The following C8orf34 variants were observed in gnomAD, a reference collection of about 807,000 sequenced individuals.
The protein encoded by C8orf34 is chromosome 8 open reading frame 34, also known as uncharacterized protein C8orf34.
In C8orf34, 65 loss-of-function variants were observed where a neutral mutation model predicts 68.3. The ratio of observed to expected loss-of-function variants is 0.95; its 90% CI spans 0.78 to 1.17. The LOEUF is 1.17. Ranked by LOEUF, C8orf34 falls within the 50% of genes most tolerant of loss-of-function variation. The pLI, the probability that C8orf34 is intolerant of heterozygous loss-of-function variation, is 0.00. For synonymous variants in C8orf34, 244 were observed against 241.2 expected (o/e 1.01, Z -0.11); for missense variants, 664 against 655.4 (o/e 1.01, Z -0.14).
intron 5 of C8orf34, among the ~76,000 whole-genome samples, chr8:68,506,918 G>A (rs1178932563): frequency 1.3e-5 from 2 of 151,006 alleles, no homozygotes; most frequent in African/African-American, 4.9e-5. Flanking sequence ...TTTGTCATTT[G>A]TCCATTGATA....
intron 1 of C8orf34, among the ~76,000 whole-genome samples, chr8:68,404,299 A>G (rs79887796): frequency 1.3e-5 from 2 of 152,120 alleles, no homozygotes; most frequent in Non-Finnish European, 2.9e-5. Context: ...GATAGATTGC[A>G]AAAAGTTTCT....
intron 1 of C8orf34, among the ~76,000 whole-genome samples, chr8:68,433,777 A>T (rs917453921): frequency 6.6e-6 from 1 of 152,242 alleles, no homozygotes; most frequent in African/African-American, 2.4e-5. Context: ...TGGATCTTTT[A>T]CTAATAATTT....
chr8:68,352,227 G>A (rs1414005279), intron 1 of C8orf34, among the ~76,000 whole-genome samples: 1 of 151,958 alleles, frequency 6.6e-6, no homozygotes, highest in African/African-American at 2.4e-5. Context: ...TGAATTAACA[G>A]AGCTTGAAGA....
chr8:68,524,704 C>A (rs1450178862), intron 6 of C8orf34, among the ~76,000 whole-genome samples: 5 of 152,110 alleles, frequency 3.3e-5, no homozygotes, highest in Non-Finnish European at 5.9e-5. Flanking sequence ...ACATTCATTG[C>A]ACATTTAGAG....
At position 68,787,482 on chromosome 8, in the gene C8orf34, T is replaced by C. The variant is rs1033636775; in HGVS notation, c.1495T>C (p.Trp499Arg). The C allele has an allele frequency of 1.2e-6, 2 of 1,612,808 alleles. No homozygotes were observed. Among genetic ancestry groups the C allele is most frequent in the African/African-American group, 1.3e-5 (1 of 74,894 alleles). ...LKQLQVVHQPWILPSDTESEG... is the reference protein window; with the variant it reads ...LKQLQVVHQPRILPSDTESEG... ...GCAATTGCAGGTAGTTCATCAACCATGGATCTTGCCAAGTGACACAGAAAG... is the reference window on the plus strand; with the variant it reads ...GCAATTGCAGGTAGTTCATCAACCACGGATCTTGCCAAGTGACACAGAAAG... Residue 499 changes from tryptophan to arginine, a missense_variant, in exon 12 of 14, where the codon TGG becomes CGG. Coordinates refer to ENST00000518698, the MANE Select transcript of C8orf34 (RefSeq NM_052958.4).
At chr8:68,786,124 A>G (rs1246693584) in intron 11 of C8orf34, among the ~76,000 whole-genome samples, 2 of 152,194 alleles carry the variant, frequency 1.3e-5, no homozygotes, top group East Asian at 1.9e-4. Flanking sequence ...GGTAGAGATG[A>G]TGAGTGAATT....
At chr8:68,412,912 G>A (rs1483625754) in intron 1 of C8orf34, among the ~76,000 whole-genome samples, 16 of 152,070 alleles carry the variant, frequency 1.1e-4, no homozygotes, top group Non-Finnish European at 2.4e-4. Context: ...CTCACTCTGT[G>A]TCCTATCAAG....
At chr8:68,690,144 C>G (rs1312882342) in intron 8 of C8orf34, among the ~76,000 whole-genome samples, 2 of 151,962 alleles carry the variant, frequency 1.3e-5, no homozygotes, top group African/African-American at 4.8e-5. Context: ...TCAAATGAAG[C>G]AAACAGATAC....
At chr8:68,637,972 A>T (rs1265991630) in intron 7 of C8orf34, among the ~76,000 whole-genome samples, 1 of 152,198 alleles carries the variant, frequency 6.6e-6, no homozygotes, top group Non-Finnish European at 1.5e-5. Flanking sequence ...CCGAAATTTT[A>T]ATAAGAATAA....
intron 1 of C8orf34, among the ~76,000 whole-genome samples, chr8:68,430,726 T>C (rs1810419210): frequency 6.6e-6 from 1 of 152,150 alleles, no homozygotes; most frequent in Admixed American, 6.6e-5. Context: ...TATTTCCAGC[T>C]TAGCAGCTCT....
chr8:68,374,213 C>T (rs929025963), intron 1 of C8orf34, among the ~76,000 whole-genome samples: 3 of 152,122 alleles, frequency 2.0e-5, no homozygotes, highest in African/African-American at 7.2e-5. Flanking sequence ...CCACACCTGG[C>T]CTATAATTCT....
intron 1 of C8orf34, among the ~76,000 whole-genome samples, chr8:68,404,107 T>A (rs1047472198): frequency 6.6e-6 from 1 of 152,250 alleles, no homozygotes; most frequent in African/African-American, 2.4e-5. Flanking sequence ...GGTTTTGATT[T>A]GCATTTCTCT....
rs895123715 is a variant in C8orf34 at position 68,777,608 on chromosome 8, A to G, written c.1455+1159A>G. Among the ~76,000 whole-genome samples, 13 of 152,326 alleles carry G rather than the reference A, an allele frequency of 8.5e-5. No homozygotes were observed. In the South Asian group the frequency reaches 2.3e-3, roughly 27 times the overall value. On this transcript the variant is annotated intron_variant, in intron 11 of 13. Transcript: ENST00000518698. ...AATACAAAATCTTGGGGCTCAGCCC[A>G]GACCCACATAATCAAAATCAACATC...
chr8:68,535,815 C>G (rs1257166529), intron 7 of C8orf34: 2 of 970,264 alleles, frequency 2.1e-6, no homozygotes, highest in African/African-American at 3.5e-5. Flanking sequence ...GATAATAAAA[C>G]AGCCAAACTT....
At chr8:68,490,855 TC>T (rs1450457969) in intron 5 of C8orf34, among the ~76,000 whole-genome samples, 24 of 152,234 alleles carry the variant, frequency 1.6e-4, no homozygotes, top group African/African-American at 4.8e-4. Flanking sequence ...CATAGCACCC[TC>T]TGGTGACCAT....
chr8:68,657,035 C>T (rs1394403369), intron 8 of C8orf34, among the ~76,000 whole-genome samples: 1 of 152,092 alleles, frequency 6.6e-6, no homozygotes, highest in African/African-American at 2.4e-5. Context: ...CTGCCCTGAA[C>T]CCTAGGTAAA....
chr8:68,608,822 T>G (rs1359589338), intron 7 of C8orf34, among the ~76,000 whole-genome samples: 1 of 152,014 alleles, frequency 6.6e-6, no homozygotes, highest in Non-Finnish European at 1.5e-5. Context: ...GAAGGATGAA[T>G]GTTTCAACCC....
In C8orf34 at chr8:68,798,959, T is replaced by G. The variant is rs530660237; in HGVS notation, c.1549+11423T>G. ...ATATATAAGGTTACATGCTTCAGAC[T>G]ACCTGCTTTGTTTATTAACATGTCT... On this transcript the variant is annotated intron_variant, in intron 12 of 13. Coordinates refer to ENST00000518698, the MANE Select transcript of C8orf34 (RefSeq NM_052958.4). Among the ~76,000 whole-genome samples the G allele has an allele frequency of 9.6e-4, 146 of 152,330 alleles. 1 individual carries two copies. Among genetic ancestry groups the G allele is most frequent in the African/African-American group, 3.4e-3 (140 of 41,580 alleles).
Position 68,486,231 on chromosome 8 carries a change from C to G in C8orf34, c.737-1792C>G, listed in dbSNP as rs988227550. 1.2e-4 allele frequency among the ~76,000 whole-genome samples: 19 copies of G among 152,216 alleles called. No homozygotes were observed. The East Asian group carries it at 3.7e-3, about 29-fold the overall frequency. ...TAATTGCACTCTGAGATCTCTTAGT[C>G]TCACATCTTCCCCTTGACTGTGGTG... is the stretch of plus-strand genomic sequence containing the variant. On this transcript the variant is annotated intron_variant, in intron 4 of 13. Coordinates refer to ENST00000518698, the MANE Select transcript of C8orf34 (RefSeq NM_052958.4).
Sources: allele counts gnomAD v4.1 joint callset (sites outside exome capture counted in the v4.1 genomes callset), GRCh38; gene constraint gnomAD v4.1.1; transcripts MANE v1.5; gene names NCBI Gene and HGNC (gene_info 2026-07-23, HGNC 2026-07-21).